The following CNTN1 variants were observed in gnomAD, a reference collection of about 807,000 sequenced individuals.
CNTN1 encodes the protein contactin-1.
A neutral mutation model predicts 126.4 loss-of-function variants in CNTN1; 38 were observed. That is an observed-to-expected ratio of 0.30 (90% CI 0.23 to 0.39). CNTN1 has a LOEUF of 0.39. Ranked by LOEUF, CNTN1 falls within the 10% of genes least tolerant of loss-of-function variation. The pLI is 1.00. For synonymous variants in CNTN1, 413 were observed against 422.6 expected, an observed-to-expected ratio of 0.98 and a Z score of 0.28; for missense variants, 1,009 against 1,248.4, an observed-to-expected ratio of 0.81 and a Z score of 2.89.
At chr12:40,786,837 A>G (rs912262972) in intron 1 of CNTN1, among the ~76,000 whole-genome samples, 1 of 152,118 alleles carries the variant, frequency 6.6e-6, no homozygotes, top group Non-Finnish European at 1.5e-5. Flanking sequence ...TCTCTCTGTC[A>G]ATACCTTCCA....
intron 23 of CNTN1, among the ~76,000 whole-genome samples, chr12:41,046,200 C>A (rs375214357): frequency 8.5e-4 from 130 of 152,148 alleles, no homozygotes; most frequent in African/African-American, 3.1e-3. Context: ...GCCTCAGCCA[C>A]CCACTCATGA....
At chr12:40,777,030 G>A (rs1030910433) in intron 1 of CNTN1, among the ~76,000 whole-genome samples, 8 of 151,354 alleles carry the variant, frequency 5.3e-5, no homozygotes, top group Non-Finnish European at 1.0e-4. Context: ...CTATAAAAAT[G>A]GCATCCCAAA....
At chr12:40,902,727 T>C (rs531632667) in intron 1 of CNTN1, among the ~76,000 whole-genome samples, 48 of 152,342 alleles carry the variant, frequency 3.2e-4, no homozygotes, top group African/African-American at 1.0e-3. Context: ...GAACACACTT[T>C]CATTACATAG....
At chr12:41,050,424 T>G (rs908698320) in intron 23 of CNTN1, among the ~76,000 whole-genome samples, 23 of 152,144 alleles carry the variant, frequency 1.5e-4, no homozygotes, top group African/African-American at 5.6e-4. Context: ...CAAGCACATT[T>G]GCACACAGTG....
intron 1 of CNTN1, among the ~76,000 whole-genome samples, chr12:40,848,040 T>G (rs1289137234): frequency 2.6e-5 from 4 of 152,202 alleles, no homozygotes; most frequent in African/African-American, 7.2e-5. Context: ...GCCTGCACTC[T>G]GCTCACCTCC....
intron 15 of CNTN1, among the ~76,000 whole-genome samples, chr12:40,975,960 C>T (rs1004186540): frequency 6.6e-6 from 1 of 151,924 alleles, no homozygotes; most frequent in African/African-American, 2.4e-5. Flanking sequence ...GATATATGAG[C>T]GTAATAAAAT....
At chr12:40,915,118 T>TACC (rs1378462831) in intron 3 of CNTN1, among the ~76,000 whole-genome samples, 2 of 152,118 alleles carry the variant, frequency 1.3e-5, no homozygotes, top group Non-Finnish European at 2.9e-5. Context: ...AAGCATAATA[T>TACC]ACCTTAAATG....
At chr12:40,833,480 A>C (rs1216291864) in intron 1 of CNTN1, among the ~76,000 whole-genome samples, 1 of 152,188 alleles carries the variant, frequency 6.6e-6, no homozygotes, top group African/African-American at 2.4e-5. Context: ...TAAAATAAAC[A>C]TTTAAAAATT....
At chr12:40,867,687 T>G (rs753889470) in intron 1 of CNTN1, among the ~76,000 whole-genome samples, 1 of 152,042 alleles carries the variant, frequency 6.6e-6, no homozygotes, top group Non-Finnish European at 1.5e-5. Flanking sequence ...ATTTTTGAAG[T>G]TTTTCTGCTC....
intron 2 of CNTN1, among the ~76,000 whole-genome samples, chr12:40,909,252 G>A (rs1944943655): frequency 6.6e-6 from 1 of 152,018 alleles, no homozygotes; most frequent in South Asian, 2.1e-4. Context: ...AAAGGCAAGT[G>A]TGAAGCATTC....
At chr12:40,771,503 T>G (rs757335914) in intron 1 of CNTN1, among the ~76,000 whole-genome samples, 3 of 152,098 alleles carry the variant, frequency 2.0e-5, no homozygotes, top group Non-Finnish European at 2.9e-5. Flanking sequence ...GGATATGTTC[T>G]TATTTAGACA....
chr12:40,984,528 C>T (rs918954280), intron 16 of CNTN1, among the ~76,000 whole-genome samples: 12 of 152,298 alleles, frequency 7.9e-5, no homozygotes, highest in Non-Finnish European at 1.5e-4. Context: ...AGGTGCTAGG[C>T]TCTTCGTAAC....
At chr12:40,847,172 A>G (rs922093951) in intron 1 of CNTN1, among the ~76,000 whole-genome samples, 1 of 151,924 alleles carries the variant, frequency 6.6e-6, no homozygotes, top group Non-Finnish European at 1.5e-5. Flanking sequence ...GGCCCTCCTT[A>G]TAGTCTTGAT....
chr12:41,041,906 T>G (rs1036780668), intron 23 of CNTN1, among the ~76,000 whole-genome samples: 3 of 152,160 alleles, frequency 2.0e-5, no homozygotes, highest in Admixed American at 1.3e-4. Context: ...TTTTTCTGTC[T>G]CTATTTCCTT....
intron 1 of CNTN1, among the ~76,000 whole-genome samples, chr12:40,730,909 C>T (rs1053190572): frequency 9.2e-5 from 14 of 151,940 alleles, no homozygotes; most frequent in South Asian, 2.1e-4. Flanking sequence ...GCAATGTAAA[C>T]GTTAATATAA....
intron 1 of CNTN1, among the ~76,000 whole-genome samples, chr12:40,870,954 G>A (rs577998384): frequency 6.6e-6 from 1 of 152,214 alleles, no homozygotes; most frequent in Non-Finnish European, 1.5e-5. Context: ...GTGAATAGAT[G>A]CAGTTCCTCC....
intron 14 of CNTN1, among the ~76,000 whole-genome samples, chr12:40,946,115 A>C (rs1452889882): frequency 6.6e-6 from 1 of 152,178 alleles, no homozygotes; most frequent in East Asian, 1.9e-4. Flanking sequence ...ATTAAACTGA[A>C]TTCTATCTTT....
intron 1 of CNTN1, among the ~76,000 whole-genome samples, chr12:40,754,259 T>G (rs143905196): frequency 6.6e-6 from 1 of 152,134 alleles, no homozygotes; most frequent in Non-Finnish European, 1.5e-5. Flanking sequence ...TGGCTATCCC[T>G]ATAGTCATCC....
chr12:40,757,265 G>A (rs1234257729), intron 1 of CNTN1, among the ~76,000 whole-genome samples: 2 of 123,484 alleles, frequency 1.6e-5, no homozygotes, highest in Non-Finnish European at 3.4e-5. Flanking sequence ...TTAGGGGTGA[G>A]GGTTTCAATA....
Sources: gnomAD v4.1 joint callset for allele counts (sites outside exome capture counted in the v4.1 genomes callset) on GRCh38, gnomAD v4.1.1 for gene constraint, MANE v1.5 for transcripts, NCBI Gene and HGNC (gene_info 2026-07-23, HGNC 2026-07-21) for gene names.